RYR3: variants seen among roughly 807,000 people sequenced by gnomAD.
The protein encoded by RYR3 is brain ryanodine receptor-calcium release channel.
RYR3 carries 207 observed loss-of-function variants against 584.3 expected under a neutral mutation model. That is an observed-to-expected ratio of 0.35 (90% CI 0.32 to 0.40). The LOEUF (loss-of-function observed/expected upper bound fraction) is 0.40, where lower values mean the gene tolerates loss of function less well. Ranked by LOEUF, RYR3 falls within the 10% of genes least tolerant of loss-of-function variation. The pLI, the probability that RYR3 is intolerant of heterozygous loss-of-function variation, is 1.00. For missense variants in RYR3, 5,616 were observed against 6,089.2 expected, an observed-to-expected ratio of 0.92 and a Z score of 2.59; for synonymous variants, 2,416 against 2,248.5, an observed-to-expected ratio of 1.07 and a Z score of -2.11.
At chr15:33,340,579 C>G (rs560859646) in intron 1 of RYR3, among the ~76,000 whole-genome samples, 1 of 152,170 alleles carries the variant, frequency 6.6e-6, no homozygotes, top group South Asian at 2.1e-4. Context: ...AGGCCTCTCT[C>G]TTTGGCTTGT....
In RYR3 at chr15:33,698,032, C is replaced by G. The variant is rs758045894; in HGVS notation, c.6249+36C>G. 3 of 1,457,346 alleles carry G rather than the reference C, an allele frequency of 2.1e-6. No individual in the cohort carries two copies. In the South Asian group the frequency reaches 3.4e-5, roughly 17 times the overall value. The allele number at this position is 1,457,346 out of a possible 1,614,324, so 90.3% of individuals were successfully genotyped here. On this transcript the variant is annotated intron_variant, in intron 40 of 103. Transcript: ENST00000634891. ...AAGGAGAACCTAGCCAGAACTTGTC[C>G]CTTGAGGCAGGAGCACGAGGTGACT...
At chr15:33,669,876 G>C (rs1390358855) in intron 37 of RYR3, among the ~76,000 whole-genome samples, 1 of 42,356 alleles carries the variant, frequency 2.4e-5, no homozygotes, top group East Asian at 7.5e-4. Flanking sequence ...GTGTGGGTGT[G>C]TGTGGTGTGT....
At chr15:33,493,851 G>C (rs2051181896) in intron 2 of RYR3, among the ~76,000 whole-genome samples, 1 of 152,340 alleles carries the variant, frequency 6.6e-6, no homozygotes, top group Middle Eastern at 3.4e-3. Flanking sequence ...AAGAGGCTGA[G>C]GCGGGAGAGT....
intron 1 of RYR3, among the ~76,000 whole-genome samples, chr15:33,320,108 A>T (rs1595702913): frequency 6.6e-6 from 1 of 152,202 alleles, no homozygotes; most frequent in Non-Finnish European, 1.5e-5. Context: ...TGCAGCTGCA[A>T]ATAAGCACTC....
intron 60 of RYR3, among the ~76,000 whole-genome samples, chr15:33,760,933 G>A (rs963656780): frequency 1.3e-5 from 2 of 152,128 alleles, no homozygotes; most frequent in East Asian, 1.9e-4. Flanking sequence ...CTAGAACTCA[G>A]GATTAAGAAA....
intron 16 of RYR3, among the ~76,000 whole-genome samples, chr15:33,590,993 A>G (rs2059103358): frequency 6.6e-6 from 1 of 152,192 alleles, no homozygotes. Context: ...TCAAAAAGTT[A>G]TAGGGGAAGA....
chr15:33,337,904 T>A (rs1489421862), intron 1 of RYR3, among the ~76,000 whole-genome samples: 3 of 149,368 alleles, frequency 2.0e-5, no homozygotes, highest in African/African-American at 4.9e-5. Flanking sequence ...TAGAGGAAAA[T>A]GATGAGACAA....
chr15:33,333,187 G>A (rs1296907615), intron 1 of RYR3, among the ~76,000 whole-genome samples: 1 of 151,880 alleles, frequency 6.6e-6, no homozygotes, highest in Non-Finnish European at 1.5e-5. Context: ...TGGAAAAGGA[G>A]GGACTCTTCC....
At position 33,539,408 on chromosome 15, in the gene RYR3, A is replaced by G; in HGVS notation, c.492A>G (p.Lys164=). 3 of 1,603,964 alleles carry G rather than the reference A, an allele frequency of 1.9e-6. No homozygotes were observed. The highest frequency in any genetic ancestry group is 2.6e-6 in the Non-Finnish European group (3 of 1,174,940). Residue 164 remains lysine, a synonymous_variant, in exon 6 of 104, where the codon AAA becomes AAG. Coordinates refer to ENST00000634891, the MANE Select transcript of RYR3 (RefSeq NM_001036.6). ...CCAAACAGAGGTCCGAAGGAGAGAAAGTTCGAATTGGCGATGACCTCATCC... is the reference window on the plus strand; with the variant it reads ...CCAAACAGAGGTCCGAAGGAGAGAAGGTTCGAATTGGCGATGACCTCATCC... ...PASKQRSEGE[K]VRIGDDLILV...
rs1317783627 is a variant in RYR3 at position 33,800,802 on chromosome 15, C to T, written c.9863C>T (p.Ser3288Phe). Reference sequence around the variant, plus strand: ...TGGCTGAAAAGTCCTGATGCTGATTCTGACCAGCTCTTCCGCATGGTGGCA... The same window carrying T: ...TGGCTGAAAAGTCCTGATGCTGATTTTGACCAGCTCTTCCGCATGGTGGCA... ...SNWLKSPDAD[S>F]DQLFRMVAEV... The change falls in exon 68 of 104, where the codon TCT (serine) becomes TTT (phenylalanine). Residue 3288 changes from serine to phenylalanine, a missense_variant. Ser to Phe is a radical substitution (Grantham distance 155, BLOSUM62 -2). Coordinates refer to ENST00000634891, the MANE Select transcript of RYR3 (RefSeq NM_001036.6). The T allele has an allele frequency of 6.2e-7, 1 of 1,613,734 alleles. No individual in the cohort carries two copies. Among genetic ancestry groups the T allele is most frequent in the Non-Finnish European group, 8.5e-7 (1 of 1,179,742 alleles).
At chr15:33,728,342 C>G (rs1192566730) in intron 46 of RYR3, among the ~76,000 whole-genome samples, 1 of 152,200 alleles carries the variant, frequency 6.6e-6, no homozygotes, top group Non-Finnish European at 1.5e-5. Context: ...GAGTATAGTT[C>G]ACAGTGAAAT....
At chr15:33,574,113 T>C (rs562650715) in intron 12 of RYR3, among the ~76,000 whole-genome samples, 77 of 152,220 alleles carry the variant, frequency 5.1e-4, no homozygotes, top group Non-Finnish European at 9.3e-4. Flanking sequence ...AACCCAAATA[T>C]CACACTGATA....
intron 89 of RYR3, 79 bp downstream of exon 89, chr15:33,839,037 A>T (rs1596937609): frequency 1.3e-6 from 2 of 1,501,770 alleles, no homozygotes; most frequent in East Asian, 4.5e-5. Context: ...CAGTACTGAC[A>T]CCATTTCCCT....
chr15:33,519,817 A>C (rs2053833122), intron 3 of RYR3, among the ~76,000 whole-genome samples: 1 of 152,126 alleles, frequency 6.6e-6, no homozygotes, highest in South Asian at 2.1e-4. Context: ...GTCTATCCCC[A>C]GGCCCACATA....
chr15:33,560,865 AAAAG>A (rs1215916392), intron 10 of RYR3, among the ~76,000 whole-genome samples: 1 of 152,118 alleles, frequency 6.6e-6, no homozygotes, highest in Non-Finnish European at 1.5e-5. Context: ...ATCTTTTTAA[AAAAG>A]AAAAATTCAT....
intron 64 of RYR3, 43 bp from the exon 65 acceptor site, chr15:33,780,168 C>A (rs748885437): frequency 6.2e-7 from 1 of 1,602,480 alleles, no homozygotes; most frequent in African/African-American, 1.3e-5. Context: ...ATGGGGCCAG[C>A]ATGTGGGGGG....
intron 45 of RYR3, among the ~76,000 whole-genome samples, chr15:33,725,076 A>G (rs1162170405): frequency 1.3e-5 from 2 of 149,986 alleles, no homozygotes; most frequent in Admixed American, 6.7e-5. Context: ...AGAAGGCAGC[A>G]TGGGATAGCT....
intron 36 of RYR3, 103 bp downstream of exon 36, chr15:33,663,840 G>A (rs2063310661): frequency 7.1e-6 from 7 of 989,956 alleles, no homozygotes; most frequent in Non-Finnish European, 1.0e-5. Context: ...AGCCTCAAGA[G>A]CTATGGAAGA....
intron 2 of RYR3, among the ~76,000 whole-genome samples, chr15:33,503,230 C>G (rs1038598218): frequency 3.9e-5 from 6 of 152,196 alleles, no homozygotes; most frequent in African/African-American, 1.4e-4. Context: ...TCTAGAGCCA[C>G]ATTATGGTCT....
Sources: gnomAD v4.1 joint callset for allele counts (sites outside exome capture counted in the v4.1 genomes callset) on GRCh38, gnomAD v4.1.1 for gene constraint, MANE v1.5 for transcripts, NCBI Gene and HGNC (gene_info 2026-07-23, HGNC 2026-07-21) for gene names.